Variants in RAB3C observed in about 807,000 individuals in gnomAD.
RAB3C encodes the protein ras-related protein Rab-3C.
In RAB3C, 17 loss-of-function variants were observed where a neutral mutation model predicts 26.4. The ratio of observed to expected loss-of-function variants is 0.64; its 90% confidence interval spans 0.44 to 0.97. The LOEUF is 0.97. Among genes scored for constraint, RAB3C ranks in the 50% least tolerant of loss-of-function variants. The pLI is 0.00. For synonymous variants in RAB3C, 91 were observed against 95.9 expected (o/e 0.95, Z 0.30); for missense variants, 242 against 281.9 (o/e 0.86, Z 1.01).
At chr5:58,815,604 T>C (rs899685691) in intron 3 of RAB3C, 5 of 152,190 alleles carry the variant, frequency 3.3e-5, no homozygotes, top group East Asian at 3.9e-4. Context: ...AAGGGATGCA[T>C]TGGGGCACTG....
intron 1 of RAB3C, among the ~76,000 whole-genome samples, chr5:58,605,096 T>G (rs545160587): frequency 6.6e-6 from 1 of 152,236 alleles, no homozygotes; most frequent in South Asian, 2.1e-4. Flanking sequence ...ACTTCTCCAG[T>G]GGGGTGTGTT....
intron 3 of RAB3C, among the ~76,000 whole-genome samples, chr5:58,751,766 C>G (rs1741530998): frequency 6.6e-6 from 1 of 152,188 alleles, no homozygotes; most frequent in Admixed American, 6.5e-5. Flanking sequence ...AAATATTTCA[C>G]TGTTTTTCAG....
In RAB3C at chr5:58,857,424, C is replaced by T. The variant is rs1169343872; in HGVS notation, c.*6073C>T. ...TATAAAAGCATCTCCTTCTATAACTCAAAATTTTCTTTAAGTGTCATATAA... is the reference window on the plus strand; with the variant it reads ...TATAAAAGCATCTCCTTCTATAACTTAAAATTTTCTTTAAGTGTCATATAA... On this transcript the variant is annotated 3_prime_UTR_variant, in exon 5 of 5. Coordinates refer to ENST00000282878, the MANE Select transcript of RAB3C (RefSeq NM_138453.4). 1 of 152,120 alleles carries T rather than the reference C, an allele frequency of 6.6e-6. No individual in the cohort carries two copies. Among genetic ancestry groups the T allele is most frequent in the Admixed American group, 6.6e-5 (1 of 15,262 alleles). The allele number at this position is 152,120 out of a possible 1,614,324, so 9.4% of individuals were successfully genotyped here.
At chr5:58,612,564 G>GTGTATATATATATGTATA (rs1746738759) in intron 1 of RAB3C, among the ~76,000 whole-genome samples, 1 of 126,682 alleles carries the variant, frequency 7.9e-6, no homozygotes, top group African/African-American at 3.1e-5. Context: ...ATATATATAT[G>GTGTATATATATATGTATA]TATATATATA....
intron 1 of RAB3C, among the ~76,000 whole-genome samples, chr5:58,613,358 A>G (rs1746754901): frequency 6.6e-6 from 1 of 152,170 alleles, no homozygotes; most frequent in Non-Finnish European, 1.5e-5. Flanking sequence ...AGATTTATAT[A>G]TTCAACAGGC....
Position 58,856,344 on chromosome 5 carries a change from A to C in RAB3C, c.*4993A>C, listed in dbSNP as rs1561155129. 1 of 151,136 alleles carries C rather than the reference A, an allele frequency of 6.6e-6. No homozygotes were observed. Among genetic ancestry groups the C allele is most frequent in the African/African-American group, 2.4e-5 (1 of 41,046 alleles). The allele number at this position is 151,136 out of a possible 1,614,324, so 9.4% of individuals were successfully genotyped here. A position where few individuals can be genotyped will look rare whatever the true frequency, so the allele number is the denominator to read the frequency against. ...ATTTTAAAACCTCACTCAGAGCTCGAGTGTTAAGATCAGACCATCTAGCTA... is the reference window on the plus strand; with the variant it reads ...ATTTTAAAACCTCACTCAGAGCTCGCGTGTTAAGATCAGACCATCTAGCTA... On this transcript the variant is annotated 3_prime_UTR_variant, in exon 5 of 5. Coordinates refer to ENST00000282878, the MANE Select transcript of RAB3C (RefSeq NM_138453.4).
intron 2 of RAB3C, among the ~76,000 whole-genome samples, chr5:58,618,837 G>C (rs933284237): frequency 6.6e-6 from 1 of 152,090 alleles, no homozygotes; most frequent in Non-Finnish European, 1.5e-5. Context: ...TTTCCCAAGA[G>C]GTGTTTTCTA....
intron 4 of RAB3C, among the ~76,000 whole-genome samples, chr5:58,839,841 T>C (rs1466153427): frequency 1.3e-5 from 2 of 152,130 alleles, no homozygotes; most frequent in African/African-American, 2.4e-5. Context: ...TTTGCTTTTA[T>C]GTGAAAGATT....
At chr5:58,781,400 T>C (rs1742266478) in intron 3 of RAB3C, among the ~76,000 whole-genome samples, 1 of 152,158 alleles carries the variant, frequency 6.6e-6, no homozygotes, top group African/African-American at 2.4e-5. Context: ...GAGCATTTCC[T>C]TTCTTAACCA....
intron 2 of RAB3C, among the ~76,000 whole-genome samples, chr5:58,685,065 A>G (rs975727033): frequency 6.6e-6 from 1 of 152,336 alleles, no homozygotes; most frequent in East Asian, 1.9e-4. Flanking sequence ...GTTTAATAAG[A>G]AAATGTGATA....
intron 1 of RAB3C, among the ~76,000 whole-genome samples, chr5:58,612,522 A>ATATATATATATATATATATATATATG (rs1272823242): frequency 1.3e-4 from 7 of 54,694 alleles, no homozygotes; most frequent in African/African-American, 3.3e-4. Flanking sequence ...GTGTGTGTGT[A>ATATATATATATATATATATATATATG]TATATATATA....
At chr5:58,743,223 T>G (rs1355142907) in intron 3 of RAB3C, among the ~76,000 whole-genome samples, 1 of 152,212 alleles carries the variant, frequency 6.6e-6, no homozygotes, top group Non-Finnish European at 1.5e-5. Flanking sequence ...AAAAATCTAA[T>G]GTACCTGGCA....
chr5:58,820,751 T>A (rs1310991377), intron 3 of RAB3C, among the ~76,000 whole-genome samples: 3 of 152,168 alleles, frequency 2.0e-5, no homozygotes, highest in Non-Finnish European at 2.9e-5. Flanking sequence ...ATTTCTTATA[T>A]AAGAGCAAAT....
chr5:58,621,173 T>C, intron 2 of RAB3C, among the ~76,000 whole-genome samples: 1 of 152,216 alleles, frequency 6.6e-6, no homozygotes, highest in Non-Finnish European at 1.5e-5. Context: ...TAGCCTATTA[T>C]ATATTTCAAA....
chr5:58,797,247 C>A, intron 3 of RAB3C, among the ~76,000 whole-genome samples: 1 of 150,472 alleles, frequency 6.6e-6, no homozygotes, highest in African/African-American at 2.5e-5. Context: ...TCCTCTAGCT[C>A]ACTGAGAGAG....
chr5:58,716,821 A>C lies in RAB3C; in HGVS notation c.253-9181A>C, dbSNP rs867382612. 2.0e-4 allele frequency among the ~76,000 whole-genome samples: 31 copies of C among 151,302 alleles called. No homozygotes were observed. The South Asian group carries it at 5.2e-3, about 25-fold the overall frequency. ...CTTATTAAAAAAAAAAAAAAAAACA[A>C]CTCAGGCAGAACACAGGGGACTTTT... On this transcript the variant is annotated intron_variant, in intron 2 of 4. Coordinates refer to ENST00000282878, the MANE Select transcript of RAB3C (RefSeq NM_138453.4).
At chr5:58,642,022 A>G (rs750934460) in intron 2 of RAB3C, among the ~76,000 whole-genome samples, 2 of 152,226 alleles carry the variant, frequency 1.3e-5, no homozygotes, top group Non-Finnish European at 2.9e-5. Flanking sequence ...TAAGGACAAT[A>G]GTAGTAACAC....
intron 3 of RAB3C, among the ~76,000 whole-genome samples, chr5:58,731,603 T>C (rs192988115): frequency 2.0e-5 from 3 of 152,070 alleles, no homozygotes; most frequent in African/African-American, 7.2e-5. Flanking sequence ...AGAACAAACA[T>C]GGAGGGTGTT....
chr5:58,811,096 G>C (rs1476260349), intron 3 of RAB3C, among the ~76,000 whole-genome samples: 6 of 152,202 alleles, frequency 3.9e-5, no homozygotes. Context: ...CTGTGATAAA[G>C]TATACTAGCA....
Sources: allele counts gnomAD v4.1 joint callset (sites outside exome capture counted in the v4.1 genomes callset), GRCh38; gene constraint gnomAD v4.1.1; transcripts MANE v1.5; gene names NCBI Gene and HGNC (gene_info 2026-07-23, HGNC 2026-07-21).